The following TBXAS1 variants were observed in gnomAD, a reference collection of about 807,000 sequenced individuals.
The protein encoded by TBXAS1 is thromboxane A synthase 1.
Under a neutral mutation model 60.7 loss-of-function variants are expected in TBXAS1, and 48 were observed. The ratio of observed to expected loss-of-function variants is 0.79; its 90% CI spans 0.63 to 1.01. The LOEUF is 1.01. TBXAS1 is among the 50% of genes least tolerant of loss of function. TBXAS1 has a pLI of 0.00. For missense variants in TBXAS1, 685 were observed against 686.3 expected (o/e 1.00, Z 0.02); for synonymous variants, 287 against 269.7 (o/e 1.06, Z -0.63).
At chr7:139,917,764 GA>G (rs1270595363) in intron 4 of TBXAS1, among the ~76,000 whole-genome samples, 2 of 152,200 alleles carry the variant, frequency 1.3e-5, no homozygotes, top group African/African-American at 4.8e-5. Flanking sequence ...AAAATTTCAA[GA>G]CCTTGTTGAA....
intron 4 of TBXAS1, among the ~76,000 whole-genome samples, chr7:139,919,013 G>C (rs1806221395): frequency 6.6e-6 from 1 of 151,838 alleles, no homozygotes; most frequent in African/African-American, 2.4e-5. Flanking sequence ...TTAGTAAAAG[G>C]GACACCTTTA....
At chr7:139,882,514 T>G (rs1802771550) in intron 3 of TBXAS1, among the ~76,000 whole-genome samples, 1 of 152,154 alleles carries the variant, frequency 6.6e-6, no homozygotes, top group East Asian at 1.9e-4. Flanking sequence ...GAGTCAAACT[T>G]TAGGTTTTTG....
rs41315624 is a variant in TBXAS1 at position 140,017,533 on chromosome 7, C to G, written c.1365-138C>G. On this transcript the variant is annotated intron_variant, in intron 11 of 12. Coordinates refer to ENST00000448866, the MANE Select transcript of TBXAS1 (RefSeq NM_001061.7). Reference sequence around the variant, plus strand: ...CCAGGAGCAGAGAGGGACTGAGGCTCAGGAATGAGCAGCCATCAGCTCCCA... The same window carrying G: ...CCAGGAGCAGAGAGGGACTGAGGCTGAGGAATGAGCAGCCATCAGCTCCCA... 2.4e-3 allele frequency: 2,783 copies of G among 1,174,138 alleles called. 3 individuals are homozygous for G. The highest frequency in any genetic ancestry group is 3.1e-3 in the Non-Finnish European group (2,569 of 835,696). 72.7% of individuals were successfully genotyped at this position (1,174,138 alleles called of 1,614,324 possible).
chr7:139,781,526 C>T (rs1796988375), intron 2 of TBXAS1, among the ~76,000 whole-genome samples: 1 of 152,116 alleles, frequency 6.6e-6, no homozygotes, highest in Admixed American at 6.6e-5. Context: ...TTGAGAGGCC[C>T]ACGTCAGATG....
chr7:139,852,412 A>G lies in TBXAS1; in HGVS notation c.90-19823A>G, dbSNP rs1442325287. 6.6e-6 allele frequency among the ~76,000 whole-genome samples: 1 copy of G among 152,214 alleles called. No individual in the cohort carries two copies. Among genetic ancestry groups the G allele is most frequent in the East Asian group, 1.9e-4 (1 of 5,198 alleles). ...CCTGTGGCTGTGTTCCAGAACCCAGAGAGGTGAGAGCCAGAAGCAAACACA... is the reference window on the plus strand; with the variant it reads ...CCTGTGGCTGTGTTCCAGAACCCAGGGAGGTGAGAGCCAGAAGCAAACACA... On this transcript the variant is annotated intron_variant, in intron 1 of 12. Coordinates refer to ENST00000448866, the MANE Select transcript of TBXAS1 (RefSeq NM_001061.7). This position sits in a 1 kb window ranked among gnomAD's most constrained non-coding sequence, Gnocchi z 4.4.
chr7:139,838,571 C>T (rs544040116), intron 1 of TBXAS1, among the ~76,000 whole-genome samples: 1 of 152,304 alleles, frequency 6.6e-6, no homozygotes, highest in South Asian at 2.1e-4. Flanking sequence ...TGTATCCTTT[C>T]TTATCCTGTA....
chr7:139,819,704 T>C (rs1393867752), intron 4 of TBXAS1, among the ~76,000 whole-genome samples: 3 of 152,144 alleles, frequency 2.0e-5, no homozygotes, highest in Admixed American at 6.5e-5. Context: ...GTTTTCACCA[T>C]GTTGGCCAGG....
intron 4 of TBXAS1, among the ~76,000 whole-genome samples, chr7:139,802,534 C>T (rs1051956379): frequency 2.0e-5 from 3 of 152,168 alleles, no homozygotes; most frequent in African/African-American, 7.2e-5. Context: ...CCTGTAATTC[C>T]AGCACTTTGG....
chr7:139,905,783 T>C (rs370295217), intron 3 of TBXAS1, among the ~76,000 whole-genome samples: 4 of 152,222 alleles, frequency 2.6e-5, no homozygotes, highest in Admixed American at 2.6e-4. Flanking sequence ...TATTGTCTCC[T>C]AGCCTGTAGC....
intron 4 of TBXAS1, among the ~76,000 whole-genome samples, chr7:139,817,272 C>T (rs1417293637): frequency 6.6e-6 from 1 of 152,078 alleles, no homozygotes; most frequent in Non-Finnish European, 1.5e-5. Context: ...TCCTCTTCCA[C>T]CCTGCTTCCC....
At chr7:139,921,223 T>A (rs1806444780) in intron 4 of TBXAS1, among the ~76,000 whole-genome samples, 2 of 152,304 alleles carry the variant, frequency 1.3e-5, no homozygotes, top group South Asian at 4.1e-4. Flanking sequence ...GGTTCCCTCA[T>A]GCCTCTTCTC....
intron 9 of TBXAS1, among the ~76,000 whole-genome samples, chr7:139,986,390 T>A (rs1376773466): frequency 6.6e-6 from 1 of 152,136 alleles, no homozygotes; most frequent in African/African-American, 2.4e-5. Context: ...CCATAGATTA[T>A]TGGGGAACAG....
At chr7:139,854,603 G>A (rs185831649) in intron 1 of TBXAS1, among the ~76,000 whole-genome samples, 1 of 152,288 alleles carries the variant, frequency 6.6e-6, no homozygotes, top group East Asian at 1.9e-4. Context: ...CTGATATAGG[G>A]CAGTGCCAGT....
At chr7:139,909,835 T>C (rs964787679) in intron 3 of TBXAS1, among the ~76,000 whole-genome samples, 1 of 152,208 alleles carries the variant, frequency 6.6e-6, no homozygotes, top group Non-Finnish European at 1.5e-5. Flanking sequence ...TATAATTTCA[T>C]ACACCGAAAA....
At chr7:139,799,514 T>C (rs1797661448) in intron 4 of TBXAS1, among the ~76,000 whole-genome samples, 1 of 152,080 alleles carries the variant, frequency 6.6e-6, no homozygotes, top group African/African-American at 2.4e-5. Context: ...ACACCATGCC[T>C]GGCCTAATTT....
intron 1 of TBXAS1, among the ~76,000 whole-genome samples, chr7:139,848,232 A>G (rs1451074052): frequency 6.6e-6 from 1 of 151,944 alleles, no homozygotes; most frequent in African/African-American, 2.4e-5. Flanking sequence ...TGATCCTCCC[A>G]CCTCGGCCTT....
intron 9 of TBXAS1, among the ~76,000 whole-genome samples, chr7:139,997,469 C>T (rs771092319): frequency 3.3e-5 from 5 of 152,068 alleles, no homozygotes; most frequent in Non-Finnish European, 7.4e-5. Context: ...TGCGTTTTTG[C>T]TTATGAGTGC....
At chr7:139,928,105 T>C (rs1299537115) in intron 4 of TBXAS1, among the ~76,000 whole-genome samples, 1 of 152,240 alleles carries the variant, frequency 6.6e-6, no homozygotes, top group Non-Finnish European at 1.5e-5. Context: ...CACTGTTTAA[T>C]ATAATGTTAA....
At chr7:139,839,769 T>G (rs1225552705) in intron 1 of TBXAS1, among the ~76,000 whole-genome samples, 1 of 150,712 alleles carries the variant, frequency 6.6e-6, no homozygotes, top group Non-Finnish European at 1.5e-5. Flanking sequence ...GGTCGGAGGA[T>G]CTCTTGAGCC....
Sources: allele counts gnomAD v4.1 joint callset (sites outside exome capture counted in the v4.1 genomes callset), GRCh38; gene constraint gnomAD v4.1.1; non-coding constraint Gnocchi (gnomAD v3.1); transcripts MANE v1.5; gene names NCBI Gene and HGNC (gene_info 2026-07-23, HGNC 2026-07-21).